MSN: variants seen among roughly 807,000 people sequenced by gnomAD.
MSN encodes the protein moesin, also known as epididymis luminal protein 70.
Under a neutral mutation model 48.0 loss-of-function variants are expected in MSN, and 2 were observed. That is an observed-to-expected ratio of 0.04 (90% CI 0.02 to 0.13). The LOEUF (loss-of-function observed/expected upper bound fraction) is 0.13. MSN is among the 10% of genes least tolerant of loss of function. MSN has a pLI of 1.00. For synonymous variants in MSN, 146 were observed against 166.9 expected (o/e 0.87, Z 0.97); for missense variants, 267 against 470.1 (o/e 0.57, Z 3.99).
chrX:65,735,345 A>T lies in MSN; in HGVS notation c.874A>T (p.Met292Leu), dbSNP rs1459799221. The T allele has an allele frequency of 8.3e-7, 1 of 1,208,123 alleles. No homozygotes were observed. Among genetic ancestry groups the T allele is most frequent in the Non-Finnish European group, 1.1e-6 (1 of 894,263 alleles). Residue 292 changes from methionine to leucine, a missense_variant, in exon 8 of 13, where the codon ATG (methionine) becomes TTG (leucine). Around this residue, in one of 5 missense-constraint regions of MSN, gnomAD observed 58 missense variants for 104.6 expected, o/e 0.55. Transcript: ENST00000360270. ...GTGCATGGGGAACCATGAACTATAC[A>T]TGCGCCGTCGCAAGCCTGATACCAT... is the stretch of plus-strand genomic sequence containing the variant. Reference protein sequence around the residue: ...ALCMGNHELYMRRRKPDTIEV... With the variant: ...ALCMGNHELYLRRRKPDTIEV...
At chrX:65,602,180 G>C (rs530741435) in intron 1 of MSN, among the ~76,000 whole-genome samples, 6 of 112,409 alleles carry the variant, frequency 5.3e-5, no homozygotes, top group African/African-American at 1.9e-4. Flanking sequence ...GTGGATTTGT[G>C]TGCAAACTGC....
chrX:65,739,292 G>A, intron 12 of MSN, 98 bp downstream of exon 12: 1 of 863,352 alleles, frequency 1.2e-6, no homozygotes, highest in African/African-American at 2.0e-5. Context: ...ATAAGATCCT[G>A]TCCCAGTGTT....
intron 1 of MSN, among the ~76,000 whole-genome samples, chrX:65,621,130 T>C (rs760179152): frequency 3.6e-4 from 40 of 110,968 alleles, no homozygotes; most frequent in African/African-American, 1.2e-3. Context: ...TTAGCCAGGA[T>C]GGTCTCAATC....
chrX:65,653,415 G>C (rs2070756319), intron 1 of MSN, among the ~76,000 whole-genome samples: 1 of 111,103 alleles, frequency 9.0e-6, no homozygotes, highest in Non-Finnish European at 1.9e-5. Context: ...CTTAAAAATA[G>C]TTAGGAATGT....
chrX:65,739,690 GA>G, intron 12 of MSN, 38 bp from the exon 13 acceptor site: 1 of 1,168,089 alleles, frequency 8.6e-7, no homozygotes, highest in South Asian at 2.0e-5. Flanking sequence ...TAAAATGAGA[GA>G]AAGCCATTGA....
At chrX:65,680,044 A>G (rs1287629812) in intron 1 of MSN, among the ~76,000 whole-genome samples, 3 of 111,917 alleles carry the variant, frequency 2.7e-5, no homozygotes, top group Non-Finnish European at 5.6e-5. Flanking sequence ...GGTACCTCAC[A>G]TGGGTTGTTA....
At chrX:65,592,895 G>T (rs1424498364) in intron 1 of MSN, among the ~76,000 whole-genome samples, 1 of 109,923 alleles carries the variant, frequency 9.1e-6, no homozygotes, top group Non-Finnish European at 1.9e-5. Context: ...ACAAAAATTA[G>T]CCAGGTATGA....
chrX:65,591,633 C>CCTG (rs2070147740), intron 1 of MSN, among the ~76,000 whole-genome samples: 2 of 111,860 alleles, frequency 1.8e-5, no homozygotes, highest in Admixed American at 1.9e-4. Flanking sequence ...GATCAGCTAA[C>CCTG]CATTACCTGC....
intron 2 of MSN, among the ~76,000 whole-genome samples, chrX:65,721,250 C>T (rs1050023419): frequency 1.8e-5 from 2 of 112,239 alleles, no homozygotes; most frequent in African/African-American, 3.2e-5. Context: ...GATTTAGAAC[C>T]AGCCCTGAGT....
At chrX:65,694,332 A>AT (rs1186909256) in intron 1 of MSN, among the ~76,000 whole-genome samples, 134 of 101,304 alleles carry the variant, frequency 1.3e-3, no homozygotes, top group African/African-American at 1.8e-3. Context: ...TCTCTTTAAG[A>AT]TTTTTTTTTT....
intron 1 of MSN, among the ~76,000 whole-genome samples, chrX:65,715,346 A>G (rs2071453322): frequency 8.9e-6 from 1 of 111,758 alleles, no homozygotes; most frequent in African/African-American, 3.3e-5. Context: ...AGTTTTTCCT[A>G]GTTCTGTGAA....
chrX:65,613,788 T>G (rs1395091347), intron 1 of MSN, among the ~76,000 whole-genome samples: 1 of 112,243 alleles, frequency 8.9e-6, no homozygotes, highest in Non-Finnish European at 1.9e-5. Context: ...GTTGAATGGA[T>G]AGATTGCAAA....
At chrX:65,661,560 G>T (rs1166700222) in intron 1 of MSN, among the ~76,000 whole-genome samples, 4 of 111,942 alleles carry the variant, frequency 3.6e-5, no homozygotes, top group Non-Finnish European at 7.5e-5. Context: ...AGGGATATTG[G>T]CCTGAAGTTT....
upstream of MSN, chrX:65,667,517 C>T (rs1299381791): frequency 1.8e-6 from 1 of 554,041 alleles, no homozygotes; most frequent in Admixed American, 9.0e-5. Flanking sequence ...CACGTGGCCG[C>T]TGTGGCCTGG....
chrX:65,614,677 TTC>T (rs1469347734), intron 1 of MSN, among the ~76,000 whole-genome samples: 67 of 104,882 alleles, frequency 6.4e-4, no homozygotes, highest in African/African-American at 2.4e-3. Flanking sequence ...GTTTTTTTTT[TTC>T]TTTTATTTAT....
intron 1 of MSN, among the ~76,000 whole-genome samples, chrX:65,684,800 G>T (rs936664148): frequency 1.8e-5 from 2 of 112,661 alleles, no homozygotes; most frequent in Non-Finnish European, 3.8e-5. Context: ...GTGCAGTGGT[G>T]TGATCATAGC....
chrX:65,662,966 ATG>A (rs932970629), upstream of MSN, among the ~76,000 whole-genome samples: 4 of 112,404 alleles, frequency 3.6e-5, no homozygotes, highest in African/African-American at 1.3e-4. Flanking sequence ...CTATTAAAAA[ATG>A]AGCAAAGGGC....
intron 6 of MSN, 109 bp from the exon 7 acceptor site, chrX:65,733,075 A>C: frequency 2.0e-6 from 1 of 501,767 alleles, no homozygotes; most frequent in Non-Finnish European, 3.3e-6. Flanking sequence ...AAAAAAAAAG[A>C]GAGAGAGAGA....
intron 1 of MSN, among the ~76,000 whole-genome samples, chrX:65,619,769 A>T (rs1214086411): frequency 9.2e-6 from 1 of 109,040 alleles, no homozygotes; most frequent in African/African-American, 3.6e-5. Flanking sequence ...GTTCCTTTGG[A>T]GGAGGAGAGG....
Sources: gnomAD v4.1 joint callset for allele counts (sites outside exome capture counted in the v4.1 genomes callset) on GRCh38, gnomAD v4.1.1 for gene constraint, gnomAD v4.1.1 regional missense constraint, MANE v1.5 for transcripts, NCBI Gene and HGNC (gene_info 2026-07-23, HGNC 2026-07-21) for gene names.